The following NELL2 variants were observed in gnomAD, a reference collection of about 807,000 sequenced individuals.
NELL2 encodes the protein protein kinase C-binding protein NELL2.
NELL2 carries 41 observed loss-of-function variants against 109.6 expected under a neutral mutation model. That is an observed-to-expected ratio of 0.37 (90% CI 0.29 to 0.49). NELL2 has a LOEUF of 0.49. Among genes scored for constraint, NELL2 ranks in the 20% least tolerant of loss-of-function variants. The probability of loss-of-function intolerance (pLI) is 0.98; values close to 1 mark genes in which losing one functional copy is unlikely to be tolerated. For synonymous variants in NELL2, 355 were observed against 344.7 expected (o/e 1.03, Z -0.33); for missense variants, 900 against 1,008.3 (o/e 0.89, Z 1.45).
chr12:44,665,971 T>C (rs1475717504), intron 12 of NELL2, among the ~76,000 whole-genome samples: 1 of 152,172 alleles, frequency 6.6e-6, no homozygotes, highest in Non-Finnish European at 1.5e-5. Flanking sequence ...CATATTATTG[T>C]TTGATTCACC....
intron 15 of NELL2, among the ~76,000 whole-genome samples, chr12:44,543,563 C>T (rs1476607704): frequency 2.0e-5 from 3 of 152,198 alleles, no homozygotes; most frequent in Non-Finnish European, 4.4e-5. Flanking sequence ...GGAATATATG[C>T]TGTTATCAAC....
intron 13 of NELL2, among the ~76,000 whole-genome samples, chr12:44,627,842 T>A (rs926520201): frequency 3.3e-5 from 5 of 152,200 alleles, no homozygotes; most frequent in African/African-American, 7.2e-5. Context: ...AACACCAATA[T>A]GTTAGCAGAA....
intron 11 of NELL2, among the ~76,000 whole-genome samples, chr12:44,710,077 T>C (rs76537427): frequency 0.06 from 9,065 of 152,252 alleles, 896 homozygotes; most frequent in African/African-American, 0.2. Flanking sequence ...GAGCCTCACA[T>C]AAAATGAGAT....
At chr12:44,685,177 C>T (rs1948671823) in intron 12 of NELL2, among the ~76,000 whole-genome samples, 1 of 151,296 alleles carries the variant, frequency 6.6e-6, no homozygotes, top group African/African-American at 2.4e-5. Flanking sequence ...AAGTAATGGC[C>T]TTGTCTCTTT....
At chr12:44,647,082 T>C (rs1278577922) in intron 13 of NELL2, among the ~76,000 whole-genome samples, 1 of 152,192 alleles carries the variant, frequency 6.6e-6, no homozygotes, top group East Asian at 1.9e-4. Flanking sequence ...CAATAGCACA[T>C]ATGCATTCTA....
chr12:44,669,771 T>A (rs947003754), intron 12 of NELL2, among the ~76,000 whole-genome samples: 3 of 152,044 alleles, frequency 2.0e-5, no homozygotes, highest in Non-Finnish European at 4.4e-5. Flanking sequence ...TATAGGAAAC[T>A]ATATAGTAAC....
intron 9 of NELL2, among the ~76,000 whole-genome samples, chr12:44,774,235 G>T (rs1207303359): frequency 6.6e-6 from 1 of 152,142 alleles, no homozygotes; most frequent in Non-Finnish European, 1.5e-5. Context: ...CTGCTAAAAG[G>T]CAGAAAAGCT....
intron 13 of NELL2, among the ~76,000 whole-genome samples, chr12:44,617,501 A>C (rs1014252646): frequency 2.7e-5 from 3 of 110,152 alleles, no homozygotes; most frequent in African/African-American, 1.1e-4. Flanking sequence ...TCCTGGCTAA[A>C]ACGGTGAAAC....
intron 3 of NELL2, among the ~76,000 whole-genome samples, chr12:44,815,610 T>C (rs1382587119): frequency 6.6e-6 from 1 of 152,208 alleles, no homozygotes; most frequent in East Asian, 1.9e-4. Context: ...AACCATTCTA[T>C]CTTAAACCAA....
upstream of NELL2, among the ~76,000 whole-genome samples, chr12:44,916,165 T>C (rs528398901): frequency 3.2e-4 from 49 of 152,296 alleles, no homozygotes; most frequent in African/African-American, 1.0e-3. Flanking sequence ...CAGCAGATAA[T>C]AGGCAACCAA....
In NELL2 at chr12:44,536,186, G is replaced by C. The variant is rs570694246; in HGVS notation, c.1664-3465C>G. On this transcript the variant is annotated intron_variant, in intron 15 of 19. Transcript: ENST00000429094. The stretch of plus-strand genomic sequence containing the variant: ...TTAAAGCCAAAGATCTAATAAAACA[G>C]TCTCATCTGTAAGTGATTTGATGGT... Among the ~76,000 whole-genome samples, 10 of 151,942 alleles carry C rather than the reference G, an allele frequency of 6.6e-5. No individual in the cohort carries two copies. In the East Asian group the frequency reaches 1.7e-3, roughly 26 times the overall value.
At chr12:44,722,375 A>G (rs1461747251) in intron 9 of NELL2, among the ~76,000 whole-genome samples, 1 of 152,170 alleles carries the variant, frequency 6.6e-6, no homozygotes, top group Non-Finnish European at 1.5e-5. Context: ...TCTGTTGCCC[A>G]GGCTTGTTTT....
At chr12:44,587,343 C>T (rs1251436069) in intron 15 of NELL2, among the ~76,000 whole-genome samples, 3 of 140,796 alleles carry the variant, frequency 2.1e-5, no homozygotes, top group Admixed American at 7.3e-5. Context: ...ACACATTTGT[C>T]CCTATTCAGA....
At chr12:44,534,241 A>G (rs993064997) in intron 15 of NELL2, among the ~76,000 whole-genome samples, 1 of 152,046 alleles carries the variant, frequency 6.6e-6, no homozygotes, top group Admixed American at 6.6e-5. Context: ...ATGAGCTATC[A>G]CTCATTTATT....
At chr12:44,543,274 A>G (rs1158125757) in intron 15 of NELL2, among the ~76,000 whole-genome samples, 1 of 152,070 alleles carries the variant, frequency 6.6e-6, no homozygotes, top group African/African-American at 2.4e-5. Context: ...CTTTTGTCTC[A>G]TGCCTTTTAT....
intron 2 of NELL2, among the ~76,000 whole-genome samples, chr12:44,835,126 A>G (rs1338563973): frequency 6.6e-6 from 1 of 152,006 alleles, no homozygotes. Context: ...CAGGGTGGAA[A>G]TGGGTGGGAC....
intron 2 of NELL2, among the ~76,000 whole-genome samples, chr12:44,817,916 C>T (rs1943406211): frequency 6.6e-6 from 1 of 152,210 alleles, no homozygotes; most frequent in Non-Finnish European, 1.5e-5. Flanking sequence ...CATCACCTAT[C>T]CCTGTGCACA....
intron 3 of NELL2, among the ~76,000 whole-genome samples, chr12:44,815,713 G>C (rs1943322145): frequency 6.6e-6 from 1 of 152,146 alleles, no homozygotes; most frequent in African/African-American, 2.4e-5. Context: ...CCAACTCCTG[G>C]GTTCAATCAA....
At chr12:44,807,330 TACACAC>T (rs3038988) in intron 3 of NELL2, among the ~76,000 whole-genome samples, 2 of 148,784 alleles carry the variant, frequency 1.3e-5, no homozygotes, top group Non-Finnish European at 1.5e-5. Context: ...TTTTGCTCTT[TACACAC>T]ACACACACAC....
Sources: gnomAD v4.1 joint callset for allele counts (sites outside exome capture counted in the v4.1 genomes callset) on GRCh38, gnomAD v4.1.1 for gene constraint, MANE v1.5 for transcripts, NCBI Gene and HGNC (gene_info 2026-07-23, HGNC 2026-07-21) for gene names.